Variants in CALN1 observed in about 807,000 individuals in gnomAD.
The protein encoded by CALN1 is calneuron 1.
A neutral mutation model predicts 30.6 loss-of-function variants in CALN1; 17 were observed. The ratio of observed to expected loss-of-function variants is 0.56; its 90% CI spans 0.38 to 0.83. CALN1 has a LOEUF of 0.83. Ranked by LOEUF, CALN1 falls within the 40% of genes least tolerant of loss-of-function variation. The pLI is 0.00. For synonymous variants in CALN1, 156 were observed against 131.4 expected (o/e 1.19, Z -1.28); for missense variants, 291 against 354.9 (o/e 0.82, Z 1.45).
At chr7:72,038,313 G>C (rs1801925410) in intron 4 of CALN1, among the ~76,000 whole-genome samples, 1 of 151,964 alleles carries the variant, frequency 6.6e-6, no homozygotes, top group Non-Finnish European at 1.5e-5. Flanking sequence ...ATGGACTCCA[G>C]AATTCCCATT....
chr7:72,390,598 G>C (rs1390899016), intron 2 of CALN1, among the ~76,000 whole-genome samples: 1 of 152,132 alleles, frequency 6.6e-6, no homozygotes, highest in Non-Finnish European at 1.5e-5. Context: ...ATGAAATCTA[G>C]CATTTTCTTC....
At chr7:72,233,236 G>C (rs182936181) in intron 3 of CALN1, among the ~76,000 whole-genome samples, 1 of 151,538 alleles carries the variant, frequency 6.6e-6, no homozygotes, top group Non-Finnish European at 1.5e-5. Flanking sequence ...AGGCATGGAG[G>C]AGATCATTTG....
intron 3 of CALN1, among the ~76,000 whole-genome samples, chr7:72,129,373 T>C (rs1808982260): frequency 6.6e-6 from 1 of 152,190 alleles, no homozygotes; most frequent in Non-Finnish European, 1.5e-5. Context: ...TCTAGAAATG[T>C]ATTATTCAAG....
At chr7:72,406,412 C>A (rs1012722776) in intron 1 of CALN1, among the ~76,000 whole-genome samples, 1 of 152,150 alleles carries the variant, frequency 6.6e-6, no homozygotes, top group Non-Finnish European at 1.5e-5. Context: ...GCTTCCTTGT[C>A]CCCAAATTAA....
At chr7:72,320,770 G>A (rs1171754509) in intron 2 of CALN1, among the ~76,000 whole-genome samples, 1 of 147,728 alleles carries the variant, frequency 6.8e-6, no homozygotes, top group Non-Finnish European at 1.5e-5. Context: ...GGGAGGCGGA[G>A]GTTGCAGTGA....
intron 3 of CALN1, among the ~76,000 whole-genome samples, chr7:72,186,654 G>A (rs1051379055): frequency 1.1e-4 from 16 of 152,056 alleles, no homozygotes; most frequent in African/African-American, 3.9e-4. Context: ...ACTTACAAGT[G>A]AGAACATCCA....
At chr7:72,217,707 G>A (rs1792935446) in intron 3 of CALN1, among the ~76,000 whole-genome samples, 2 of 152,042 alleles carry the variant, frequency 1.3e-5, no homozygotes, top group South Asian at 4.2e-4. Context: ...GCTGGGTGTG[G>A]TGGCTCACAC....
At chr7:71,842,974 A>T (rs1382867690) in intron 5 of CALN1, among the ~76,000 whole-genome samples, 1 of 152,260 alleles carries the variant, frequency 6.6e-6, no homozygotes, top group African/African-American at 2.4e-5. Context: ...GTGAAGGAAA[A>T]TCCTAGACCT....
intron 4 of CALN1, among the ~76,000 whole-genome samples, chr7:72,080,722 G>A (rs139426036): frequency 1.3e-5 from 2 of 152,268 alleles, no homozygotes; most frequent in African/African-American, 4.8e-5. Context: ...AAGGCACCAC[G>A]CACCCTGTAT....
intron 4 of CALN1, among the ~76,000 whole-genome samples, chr7:72,072,894 C>T (rs939637813): frequency 2.0e-5 from 3 of 151,956 alleles, no homozygotes; most frequent in Non-Finnish European, 2.9e-5. Context: ...AGAAAATAGA[C>T]ATAAAATATA....
At chr7:72,312,145 T>C (rs1416591970) in intron 2 of CALN1, among the ~76,000 whole-genome samples, 1 of 152,138 alleles carries the variant, frequency 6.6e-6, no homozygotes, top group Non-Finnish European at 1.5e-5. Context: ...GGCTCACACC[T>C]GTAATCCCAG....
At chr7:72,326,615 G>C (rs551038998) in intron 2 of CALN1, among the ~76,000 whole-genome samples, 1 of 152,206 alleles carries the variant, frequency 6.6e-6, no homozygotes, top group Non-Finnish European at 1.5e-5. Context: ...TTTCTTACCA[G>C]GCTATAAAAA....
chr7:71,914,151 A>G (rs1794569525), intron 5 of CALN1, among the ~76,000 whole-genome samples: 1 of 152,158 alleles, frequency 6.6e-6, no homozygotes, highest in South Asian at 2.1e-4. Context: ...TTCATCACCT[A>G]GATATTAAGC....
At chr7:72,422,103 C>A (rs1213520370) in intron 1 of CALN1, among the ~76,000 whole-genome samples, 2 of 152,170 alleles carry the variant, frequency 1.3e-5, no homozygotes, top group East Asian at 1.9e-4. Flanking sequence ...CTGCAAGTGT[C>A]TTTTTCATAT....
At chr7:72,364,123 G>A (rs941281821) in intron 2 of CALN1, among the ~76,000 whole-genome samples, 3 of 151,770 alleles carry the variant, frequency 2.0e-5, no homozygotes, top group Non-Finnish European at 2.9e-5. Flanking sequence ...TAAGGGACAC[G>A]AAAAGACACT....
At chr7:72,203,970 G>A (rs189134993) in intron 3 of CALN1, among the ~76,000 whole-genome samples, 111 of 139,866 alleles carry the variant, frequency 7.9e-4, no homozygotes, top group Non-Finnish European at 1.3e-3. Context: ...TCATATAAGA[G>A]GCCTCTCTCT....
intron 3 of CALN1, among the ~76,000 whole-genome samples, chr7:72,249,353 G>C (rs370074487): frequency 7.9e-4 from 120 of 152,266 alleles, no homozygotes; most frequent in African/African-American, 2.8e-3. Flanking sequence ...AGCCAGGCAA[G>C]CATTTCCACT....
chr7:72,483,496 GC>G, the CALN1 span, among the ~76,000 whole-genome samples: 1 of 151,906 alleles, frequency 6.6e-6, no homozygotes, highest in African/African-American at 2.4e-5. Context: ...TGTTGGCCAG[GC>G]TGGTCTTGAA....
chr7:72,397,108 A>G (rs981060022), intron 2 of CALN1, among the ~76,000 whole-genome samples: 1 of 151,838 alleles, frequency 6.6e-6, no homozygotes, highest in African/African-American at 2.4e-5. Flanking sequence ...ATGGAGTCTC[A>G]CTATGTTGCC....
Sources: gnomAD v4.1 joint callset for allele counts (sites outside exome capture counted in the v4.1 genomes callset) on GRCh38, gnomAD v4.1.1 for gene constraint, MANE v1.5 for transcripts, NCBI Gene and HGNC (gene_info 2026-07-23, HGNC 2026-07-21) for gene names.